GOLM1: variants seen among roughly 807,000 people sequenced by gnomAD.
GOLM1 encodes the protein golgi membrane protein 1.
GOLM1 carries 31 observed loss-of-function variants against 50.5 expected under a neutral mutation model. The observed-to-expected ratio is 0.61, with a 90% CI of 0.46 to 0.83. The LOEUF (loss-of-function observed/expected upper bound fraction) is 0.83, where lower values mean the gene tolerates loss of function less well. GOLM1 is among the 40% of genes least tolerant of loss of function. The pLI, the probability that GOLM1 is intolerant of heterozygous loss-of-function variation, is 0.00. For missense variants in GOLM1, 491 were observed against 501.3 expected (o/e 0.98, Z 0.20); for synonymous variants, 178 against 192.8 (o/e 0.92, Z 0.64).
At chr9:86,072,769 T>C (rs928538023) in intron 3 of GOLM1, among the ~76,000 whole-genome samples, 40 of 152,314 alleles carry the variant, frequency 2.6e-4, no homozygotes, top group African/African-American at 8.7e-4. Context: ...GTAACCATCA[T>C]AGAATGCACT....
chr9:86,053,117 C>A (rs1289715957), intron 3 of GOLM1, among the ~76,000 whole-genome samples: 2 of 74,900 alleles, frequency 2.7e-5, no homozygotes, highest in Non-Finnish European at 5.4e-5. Flanking sequence ...ACCACACACA[C>A]CACACCACAC....
intron 3 of GOLM1, among the ~76,000 whole-genome samples, chr9:86,073,377 C>T (rs987185333): frequency 1.8e-4 from 27 of 152,124 alleles, no homozygotes. Context: ...GTGGTTATCA[C>T]GAGCAGCCAG....
intron 3 of GOLM1, among the ~76,000 whole-genome samples, chr9:86,071,526 A>C (rs899160068): frequency 3.3e-5 from 5 of 151,994 alleles, no homozygotes; most frequent in African/African-American, 1.2e-4. Context: ...TAAAAATACA[A>C]AAATTAGCCG....
At chr9:86,086,084 C>T (rs773123265) in intron 1 of GOLM1, among the ~76,000 whole-genome samples, 13 of 152,190 alleles carry the variant, frequency 8.5e-5, no homozygotes, top group South Asian at 2.1e-4. Flanking sequence ...ACTTACACTC[C>T]GACCAACAGA....
chr9:86,034,259 G>A (rs998135783), intron 8 of GOLM1, among the ~76,000 whole-genome samples: 3 of 152,132 alleles, frequency 2.0e-5, no homozygotes, highest in Non-Finnish European at 2.9e-5. Context: ...CACTGCGCCC[G>A]GCCAAACAAA....
chr9:86,057,945 C>T (rs549191814), intron 3 of GOLM1, among the ~76,000 whole-genome samples: 1 of 152,360 alleles, frequency 6.6e-6, no homozygotes, highest in South Asian at 2.1e-4. Context: ...CCTTAACTTT[C>T]AGCCTTAAAA....
At chr9:86,043,570 AAAGTG>A (rs1202273052) in intron 5 of GOLM1, among the ~76,000 whole-genome samples, 1 of 152,242 alleles carries the variant, frequency 6.6e-6, no homozygotes, top group Non-Finnish European at 1.5e-5. Context: ...TAATCCAAAG[AAAGTG>A]AAGAATAACT....
At position 86,026,356 on chromosome 9, in the gene GOLM1, T is replaced by C; in HGVS notation, c.*1461A>G. 1 of 985,282 alleles carries C rather than the reference T, an allele frequency of 1.0e-6. No individual in the cohort carries two copies. The highest frequency in any genetic ancestry group is 4.7e-5 in the South Asian group (1 of 21,274). 61.0% of individuals were successfully genotyped at this position (985,282 alleles called of 1,614,324 possible). A position where few individuals can be genotyped will look rare whatever the true frequency, so the allele number is the denominator to read the frequency against. ...TCTGGGTGGGAAAGTTTAACCTTAG[T>C]GACTAAGGACATCACATATGAAGAA... On this transcript the variant is annotated 3_prime_UTR_variant, in exon 10 of 10. Coordinates refer to ENST00000388712, the MANE Select transcript of GOLM1 (RefSeq NM_016548.4).
intron 1 of GOLM1, among the ~76,000 whole-genome samples, chr9:86,088,320 T>C (rs1484222896): frequency 6.6e-6 from 1 of 150,590 alleles, no homozygotes; most frequent in Non-Finnish European, 1.5e-5. Flanking sequence ...TCTATTTCAG[T>C]CTTCTCTCTT....
At position 86,035,057 on chromosome 9, in the gene GOLM1, T is replaced by TGGCC. The variant is rs1406421293; in HGVS notation, c.1015+307_1015+310dup. 5.1e-6 allele frequency: 5 copies of TGGCC among 985,216 alleles called. No individual in the cohort carries two copies. The Admixed American group carries it at 2.5e-4, about 48-fold the overall frequency. The allele number at this position is 985,216 out of a possible 1,614,324, so 61.0% of individuals were successfully genotyped here. On this transcript the variant is annotated intron_variant, in intron 8 of 9. Coordinates refer to ENST00000388712, the MANE Select transcript of GOLM1 (RefSeq NM_016548.4). ...GGTGGACATACAAAAATGGGGCATG[T>TGGCC]GGCCTGCCTGCCAGGAGGGGGCGTC...
intron 9 of GOLM1, among the ~76,000 whole-genome samples, chr9:86,028,745 C>G (rs1226688779): frequency 3.9e-5 from 6 of 152,224 alleles, no homozygotes; most frequent in African/African-American, 1.4e-4. Flanking sequence ...TCCCCACAAC[C>G]TGTCCGTCCG....
chr9:86,084,299 A>G (rs1006020575), intron 1 of GOLM1, among the ~76,000 whole-genome samples: 2 of 152,244 alleles, frequency 1.3e-5, no homozygotes, highest in East Asian at 3.8e-4. Flanking sequence ...AGGGAAAAAC[A>G]GTTCTATTAC....
intron 6 of GOLM1, 94 bp from the exon 7 acceptor site, chr9:86,036,601 C>A (rs1833155045): frequency 1.6e-6 from 2 of 1,288,054 alleles, no homozygotes; most frequent in African/African-American, 1.5e-5. Flanking sequence ...CCACCAATCC[C>A]ACCACCATAT....
At chr9:86,056,953 A>G (rs1834012020) in intron 3 of GOLM1, among the ~76,000 whole-genome samples, 1 of 152,180 alleles carries the variant, frequency 6.6e-6, no homozygotes, top group Non-Finnish European at 1.5e-5. Flanking sequence ...GGACTGAGCC[A>G]TGGTGCTGGG....
intron 9 of GOLM1, among the ~76,000 whole-genome samples, chr9:86,031,328 A>G (rs1318467116): frequency 3.3e-5 from 5 of 152,082 alleles, no homozygotes; most frequent in Non-Finnish European, 5.9e-5. Flanking sequence ...GTTTATGATG[A>G]TATTTTAAAA....
intron 3 of GOLM1, among the ~76,000 whole-genome samples, chr9:86,053,948 A>G (rs370709331): frequency 1.5e-4 from 23 of 152,066 alleles, no homozygotes; most frequent in African/African-American, 5.6e-4. Flanking sequence ...TCCAAATTCC[A>G]GGCTGACTAA....
chr9:86,073,462 CT>C (rs1278300220), intron 3 of GOLM1, among the ~76,000 whole-genome samples: 1 of 152,134 alleles, frequency 6.6e-6, no homozygotes, highest in Non-Finnish European at 1.5e-5. Context: ...TAAACAAAAG[CT>C]GATTTGATAA....
chr9:86,032,977 C>G (rs1587693466), intron 9 of GOLM1, among the ~76,000 whole-genome samples: 1 of 152,196 alleles, frequency 6.6e-6, no homozygotes, highest in Non-Finnish European at 1.5e-5. Context: ...AAGTAGTGAC[C>G]TAGCCATTTT....
At chr9:86,075,783 TTTTTC>T (rs1834593072) in intron 3 of GOLM1, among the ~76,000 whole-genome samples, 1 of 151,910 alleles carries the variant, frequency 6.6e-6, no homozygotes, top group Non-Finnish European at 1.5e-5. Context: ...CTTTTTTTTC[TTTTTC>T]TTTTTGAGAG....
Sources: allele counts gnomAD v4.1 joint callset (sites outside exome capture counted in the v4.1 genomes callset), GRCh38; gene constraint gnomAD v4.1.1; transcripts MANE v1.5; gene names NCBI Gene and HGNC (gene_info 2026-07-23, HGNC 2026-07-21).